The following FGFR4 variants were observed in gnomAD, a reference collection of about 807,000 sequenced individuals.
FGFR4 encodes the protein hydroxyaryl-protein kinase.
Under a neutral mutation model 89.9 loss-of-function variants are expected in FGFR4, and 63 were observed. The ratio of observed to expected loss-of-function variants is 0.70; its 90% confidence interval spans 0.57 to 0.86. The LOEUF (loss-of-function observed/expected upper bound fraction) is 0.86. Ranked by LOEUF, FGFR4 falls within the 40% of genes least tolerant of loss-of-function variation. FGFR4 has a pLI of 0.00. For missense variants in FGFR4, 928 were observed against 1,106.7 expected, an observed-to-expected ratio of 0.84 and a Z score of 2.29; for synonymous variants, 486 against 479.4, an observed-to-expected ratio of 1.01 and a Z score of -0.18.
At chr5:177,094,493 G>T in intron 11 of FGFR4, among the ~76,000 whole-genome samples, 1 of 151,732 alleles carries the variant, frequency 6.6e-6, no homozygotes, top group East Asian at 1.9e-4. Flanking sequence ...CTTCCTTATG[G>T]TTCCCCCCAG....
chr5:177,090,953 AC>A lies in FGFR4; in HGVS notation c.457del (p.Gln153SerfsTer58), dbSNP rs774203148. The stretch of plus-strand genomic sequence containing the variant: ...TGCCCTCCAGCACCCTACTGGACAC[AC>A]CCCCAGCGCATGGAGAAGAAACTGC... ...SYPQQAPYWTHPQRMEKKLHA... is the reference protein window; with the variant it reads ...SYPQQAPYWTXPQRMEKKLHA... On this transcript the variant is annotated frameshift_variant, in exon 5 of 18. Coordinates refer to ENST00000292408, the MANE Select transcript of FGFR4 (RefSeq NM_213647.3). LOFTEE classifies it high-confidence loss of function. 1.2e-6 allele frequency: 2 copies of A among 1,613,918 alleles called. No homozygotes were observed. The highest frequency in any genetic ancestry group is 1.7e-6 in the Non-Finnish European group (2 of 1,179,922).
In FGFR4 at chr5:177,093,567, TG is replaced by T; in HGVS notation, c.1397+21del. 2 of 1,612,634 alleles carry T rather than the reference TG, an allele frequency of 1.2e-6. No individual in the cohort carries two copies. Among genetic ancestry groups the T allele is most frequent in the Non-Finnish European group, 1.7e-6 (2 of 1,178,926 alleles). ...CCCGGGACAGGTGCGCTGAGCTGTG[TG>T]GGGGCAGGGACGCGGGCGCCGGGTT... On this transcript the variant is annotated intron_variant, in intron 10 of 17. Transcript: ENST00000292408. The surrounding 1 kb of genome is among the most constrained non-coding windows in gnomAD (Gnocchi z 5.8).
Position 177,095,845 on chromosome 5 carries a change from AG to A in FGFR4, c.1821+124del. ...TTCATGACCCCACCTCAGTGTCCCC[AG>A]GCATTCACGCTTTCCTGCATTCCCC... is the stretch of plus-strand genomic sequence containing the variant. On this transcript the variant is annotated intron_variant, in intron 13 of 17. Coordinates refer to ENST00000292408, the MANE Select transcript of FGFR4 (RefSeq NM_213647.3). The surrounding 1 kb of genome is among the most constrained non-coding windows in gnomAD (Gnocchi z 5.7). 1 of 1,268,254 alleles carries A rather than the reference AG, an allele frequency of 7.9e-7. No homozygotes were observed. The highest frequency in any genetic ancestry group is 1.5e-5 in the African/African-American group (1 of 66,556). 78.6% of individuals were successfully genotyped at this position (1,268,254 alleles called of 1,614,324 possible). A position where few individuals can be genotyped will look rare whatever the true frequency, so the allele number is the denominator to read the frequency against.
chr5:177,095,279 C>A lies in FGFR4; in HGVS notation c.1520-51C>A, dbSNP rs1160346178. On this transcript the variant is annotated intron_variant, in intron 11 of 17. Coordinates refer to ENST00000292408, the MANE Select transcript of FGFR4 (RefSeq NM_213647.3). The surrounding 1 kb of genome is among the most constrained non-coding windows in gnomAD (Gnocchi z 5.7). Reference sequence around the variant, plus strand: ...TGTCCTGCACCTGCCTCTGCATGCTCCCTCGTGCAGTTGGAGGGCAGCCTC... The same window carrying A: ...TGTCCTGCACCTGCCTCTGCATGCTACCTCGTGCAGTTGGAGGGCAGCCTC... 3 of 1,466,510 alleles carry A rather than the reference C, an allele frequency of 2.0e-6. No individual in the cohort carries two copies. The highest frequency in any genetic ancestry group is 1.1e-5 in the South Asian group (1 of 87,858). The allele number at this position is 1,466,510 out of a possible 1,614,324, so 90.8% of individuals were successfully genotyped here.
chr5:177,095,701 T>C lies in FGFR4; in HGVS notation c.1799T>C (p.Met600Thr), dbSNP rs1784533643. 6.2e-7 allele frequency: 1 copy of C among 1,607,754 alleles called. No individual in the cohort carries two copies. The highest frequency in any genetic ancestry group is 8.5e-7 in the Non-Finnish European group (1 of 1,178,400). Residue 600 changes from methionine (M) to threonine (T), a missense_variant, in exon 13 of 18, where the codon ATG (methionine) becomes ACG (threonine). Met to Thr is a moderately conservative substitution (Grantham distance 81, BLOSUM62 -1). This residue lies in a region of FGFR4 where 741 missense variants were observed against 836.9 expected (regional missense o/e 0.89). Coordinates refer to ENST00000292408, the MANE Select transcript of FGFR4 (RefSeq NM_213647.3). The surrounding 1 kb of genome is among the most constrained non-coding windows in gnomAD (Gnocchi z 5.7). ...VSCAYQVARG[M>T]QYLESRKCIH... is the part of the protein sequence containing the mutation. The stretch of plus-strand genomic sequence containing the variant: ...TGCGCCTACCAGGTGGCCCGAGGCA[T>C]GCAGTATCTGGAGTCCCGGAAGGTA...
intron 2 of FGFR4, chr5:177,090,185 G>C (rs1381366077): frequency 1.4e-6 from 1 of 721,348 alleles, no homozygotes; most frequent in Non-Finnish European, 2.5e-6. Flanking sequence ...ACTAAATGCT[G>C]TGTGTGTGAC....
At chr5:177,094,381 TGAG>T (rs1053259360) in intron 11 of FGFR4, among the ~76,000 whole-genome samples, 1 of 152,134 alleles carries the variant, frequency 6.6e-6, no homozygotes, top group African/African-American at 2.4e-5. Flanking sequence ...GTGATGATGA[TGAG>T]AAGAATTTGG....
intron 6 of FGFR4, 29 bp from the exon 7 acceptor site, chr5:177,092,292 C>T (rs1468678583): frequency 1.3e-6 from 2 of 1,519,710 alleles, no homozygotes; most frequent in East Asian, 4.6e-5. Context: ...TGCCGGTGGT[C>T]AGGGTTGACT....
rs1784423563 is a variant in FGFR4 at position 177,093,082 on chromosome 5, G to A, written c.1058-56G>A. 6.2e-7 allele frequency: 1 copy of A among 1,607,094 alleles called. No individual in the cohort carries two copies. Among genetic ancestry groups the A allele is most frequent in the Non-Finnish European group, 8.5e-7 (1 of 1,174,278 alleles). ...GGACTGAGTTAGGGTGCACGGGGCG[G>A]CCAGTCTCACCACTGACCAGTTTGT... On this transcript the variant is annotated intron_variant, in intron 8 of 17. Coordinates refer to ENST00000292408, the MANE Select transcript of FGFR4 (RefSeq NM_213647.3). The surrounding 1 kb of genome is among the most constrained non-coding windows in gnomAD (Gnocchi z 5.8).
At chr5:177,097,101 T>C in intron 16 of FGFR4, 191 bp from the exon 17 acceptor site, 2 of 163,872 alleles carry the variant, frequency 1.2e-5, no homozygotes, top group Non-Finnish European at 9.9e-6. Context: ...CTCCTCCTCC[T>C]GCTCCTCTTC....
intron 11 of FGFR4, among the ~76,000 whole-genome samples, chr5:177,094,491 T>G (rs1004157333): frequency 3.9e-5 from 6 of 152,036 alleles, no homozygotes; most frequent in Non-Finnish European, 1.5e-5. Flanking sequence ...TCCTTCCTTA[T>G]GGTTCCCCCC....
rs1428120921 is a variant in FGFR4, at chr5:177,095,990, TG to T, written c.1822-61del. ...GGAGGGCCCCTGCCCCCGGGCCTGC[TG>T]GGGGGTGGTGTGTGCTCAACTCCAG... On this transcript the variant is annotated intron_variant, in intron 13 of 17. Transcript: ENST00000292408. The surrounding 1 kb of genome is among the most constrained non-coding windows in gnomAD (Gnocchi z 5.7). 28 of 1,565,826 alleles carry T rather than the reference TG, an allele frequency of 1.8e-5. No homozygotes were observed. The Admixed American group carries it at 3.3e-4, about 18-fold the overall frequency.
chr5:177,089,780 G>C, intron 2 of FGFR4, 87 bp downstream of exon 2: 1 of 1,534,070 alleles, frequency 6.5e-7, no homozygotes, highest in Non-Finnish European at 8.9e-7. Context: ...AGCTGGAAAG[G>C]ATCCTTGCCC....
intron 1 of FGFR4, 121 bp from the exon 2 acceptor site, chr5:177,089,429 G>C (rs1329243090): frequency 8.6e-7 from 1 of 1,159,768 alleles, no homozygotes. Flanking sequence ...CCACAGCCTG[G>C]CCAGGGACTT....
At position 177,093,232 on chromosome 5, in the gene FGFR4, G is replaced by C. The variant is rs778316288; in HGVS notation, c.1152G>C (p.Leu384=). The change falls in exon 9 of 18, where the codon CTG becomes CTC. Residue 384 remains leucine (L), a synonymous_variant. Coordinates refer to ENST00000292408, the MANE Select transcript of FGFR4 (RefSeq NM_213647.3). The surrounding 1 kb of genome is among the most constrained non-coding windows in gnomAD (Gnocchi z 5.8). ...GCTCCCTGGCCTTGGCTGTGCTCCT[G>C]CTGCTGGCCGGGCTGTATCGAGGGC... is the stretch of plus-strand genomic sequence containing the variant. The part of the protein sequence containing the change: ...ASGSLALAVL[L]LLAGLYRGQA... 1 of 1,612,612 alleles carries C rather than the reference G, an allele frequency of 6.2e-7. No individual in the cohort carries two copies. Among genetic ancestry groups the C allele is most frequent in the South Asian group, 1.1e-5 (1 of 90,996 alleles).
rs373301672 is a variant in FGFR4, at chr5:177,095,759, C to T, written c.1821+36C>T. ...TAGGGCTCTGAGCCCCTCTCAGTCT[C>T]TCCAGCTCCACTCTCAGGCCTGTGG... On this transcript the variant is annotated intron_variant, in intron 13 of 17. Coordinates refer to ENST00000292408, the MANE Select transcript of FGFR4 (RefSeq NM_213647.3). This position sits in a 1 kb window ranked among gnomAD's most constrained non-coding sequence, Gnocchi z 5.7. 2.4e-5 allele frequency: 37 copies of T among 1,519,712 alleles called. No homozygotes were observed. Among genetic ancestry groups the T allele is most frequent in the Non-Finnish European group, 3.3e-5 (37 of 1,134,754 alleles). 94.1% of individuals were successfully genotyped at this position (1,519,712 alleles called of 1,614,324 possible). A position where few individuals can be genotyped will look rare whatever the true frequency, so the allele number is the denominator to read the frequency against.
intron 2 of FGFR4, 144 bp from the exon 3 acceptor site, chr5:177,090,246 G>T: frequency 8.6e-7 from 1 of 1,164,868 alleles, no homozygotes; most frequent in South Asian, 1.3e-5. Flanking sequence ...GCAGCATGTG[G>T]CTGTGTGGGT....
intron 6 of FGFR4, 61 bp from the exon 7 acceptor site, chr5:177,092,260 G>T: frequency 6.8e-7 from 1 of 1,475,238 alleles, no homozygotes. Context: ...CTGGAGGGAG[G>T]CAAACAGGGT....
At chr5:177,088,830 T>C (rs1340118162) in intron 1 of FGFR4, among the ~76,000 whole-genome samples, 2 of 126,526 alleles carry the variant, frequency 1.6e-5, no homozygotes, top group African/African-American at 5.8e-5. Context: ...CGACGCACGT[T>C]CTCTCTTTTA....
Sources: allele counts gnomAD v4.1 joint callset (sites outside exome capture counted in the v4.1 genomes callset), GRCh38; gene constraint gnomAD v4.1.1; regional missense constraint gnomAD v4.1.1; non-coding constraint Gnocchi (gnomAD v3.1); transcripts MANE v1.5; gene names NCBI Gene and HGNC (gene_info 2026-07-23, HGNC 2026-07-21).